Variants in CHRM5 observed in about 807,000 individuals in gnomAD.
CHRM5 encodes cholinergic receptor muscarinic 5.
A neutral mutation model predicts 39.0 loss-of-function variants in CHRM5; 18 were observed. That is an observed-to-expected ratio of 0.46 (90% CI 0.32 to 0.68). The LOEUF is 0.68. Ranked by LOEUF, CHRM5 falls within the 30% of genes least tolerant of loss-of-function variation. The probability of loss-of-function intolerance (pLI) is 0.04; values close to 1 mark genes in which losing one functional copy is unlikely to be tolerated. For synonymous variants in CHRM5, 241 were observed against 246.3 expected, an observed-to-expected ratio of 0.98 and a Z score of 0.20; for missense variants, 515 against 651.1, an observed-to-expected ratio of 0.79 and a Z score of 2.28.
chr15:34,021,573 G>A (rs906197980), intron 1 of CHRM5, among the ~76,000 whole-genome samples: 4 of 152,170 alleles, frequency 2.6e-5, no homozygotes, highest in Admixed American at 1.3e-4. Flanking sequence ...ACTTACACAT[G>A]GCCGTGTAAG....
At position 34,001,652 on chromosome 15, in the gene CHRM5, A is replaced by G. The variant is rs75553555; in HGVS notation, c.-408+32502A>G. ...AGTGTTACCAGTTCTTGAACAGTCA[A>G]TGAGTTGAGAGCAATCCACAAACCT... On this transcript the variant is annotated intron_variant, in intron 1 of 2. Coordinates refer to ENST00000383263, the MANE Select transcript of CHRM5 (RefSeq NM_012125.4). Among the ~76,000 whole-genome samples the G allele has an allele frequency of 4.2e-3, 642 of 152,294 alleles. 6 individuals carry two copies. Among genetic ancestry groups the G allele is most frequent in the African/African-American group, 0.014 (598 of 41,568 alleles).
intron 1 of CHRM5, chr15:34,003,214 A>G (rs1897207779): frequency 1.2e-6 from 2 of 1,612,868 alleles, no homozygotes; most frequent in African/African-American, 1.3e-5. Context: ...TTCAACCTGC[A>G]ATCATTAGAG....
intron 1 of CHRM5, among the ~76,000 whole-genome samples, chr15:34,043,775 A>C (rs914626575): frequency 2.6e-5 from 4 of 152,194 alleles, no homozygotes; most frequent in African/African-American, 2.4e-5. Flanking sequence ...CCTCACTCTC[A>C]GCTGCTGACT....
chr15:33,998,043 C>G (rs573747645), intron 1 of CHRM5, among the ~76,000 whole-genome samples: 2 of 152,260 alleles, frequency 1.3e-5, no homozygotes, highest in South Asian at 4.1e-4. Context: ...GTACCTCCTC[C>G]ACAACACTTA....
intron 2 of CHRM5, among the ~76,000 whole-genome samples, chr15:34,047,194 C>T (rs1899731380): frequency 6.6e-6 from 1 of 151,974 alleles, no homozygotes; most frequent in Admixed American, 6.5e-5. Context: ...TCTCCTGCCT[C>T]AGCCTCCCGA....
At chr15:33,973,477 C>CA (rs1895728349) in intron 1 of CHRM5, among the ~76,000 whole-genome samples, 1 of 152,176 alleles carries the variant, frequency 6.6e-6, no homozygotes, top group Non-Finnish European at 1.5e-5. Context: ...GTAATACCTA[C>CA]AGAAGAGCTT....
intron 1 of CHRM5, among the ~76,000 whole-genome samples, chr15:33,996,194 G>A (rs1896924824): frequency 6.6e-6 from 1 of 152,222 alleles, no homozygotes; most frequent in Admixed American, 6.5e-5. Context: ...GAAGTGGACA[G>A]AGCCCACTGC....
At chr15:34,046,180 A>C (rs1899673770) in intron 1 of CHRM5, among the ~76,000 whole-genome samples, 9 of 152,200 alleles carry the variant, frequency 5.9e-5, no homozygotes, top group Admixed American at 5.9e-4. Context: ...TATTGTGGAA[A>C]ACATTCAGGC....
In CHRM5 at chr15:34,063,961, C is replaced by A; in HGVS notation, c.1244C>A (p.Thr415Lys). The stretch of plus-strand genomic sequence containing the variant: ...TTCCCAGTGGCCAAGGAACCTTCAA[C>A]GAAAGGCCTCAATCCCAACCCCAGC... ...CPFPVAKEPS[T>K]KGLNPNPSHQ... is the part of the protein sequence containing the mutation. The change falls in exon 3 of 3, where the codon ACG becomes AAG. Residue 415 changes from threonine (T) to lysine (K), a missense_variant. By Grantham distance (78) the Thr-to-Lys change is moderately conservative. Coordinates refer to ENST00000383263, the MANE Select transcript of CHRM5 (RefSeq NM_012125.4). The surrounding 1 kb of genome is among the most constrained non-coding windows in gnomAD (Gnocchi z 4.1). 6.2e-7 allele frequency: 1 copy of A among 1,614,110 alleles called. No homozygotes were observed. The highest frequency in any genetic ancestry group is 8.5e-7 in the Non-Finnish European group (1 of 1,180,018).
At chr15:34,024,758 G>A (rs1258748473) in intron 1 of CHRM5, among the ~76,000 whole-genome samples, 1 of 151,722 alleles carries the variant, frequency 6.6e-6, no homozygotes, top group African/African-American at 2.4e-5. Context: ...CTACTCAGGA[G>A]GCTGAGGCAG....
chr15:34,011,089 G>A (rs1364536368), intron 1 of CHRM5, among the ~76,000 whole-genome samples: 4 of 152,070 alleles, frequency 2.6e-5, no homozygotes, highest in Non-Finnish European at 4.4e-5. Flanking sequence ...CACTTTGGGA[G>A]GCCTAGGCAA....
chr15:34,034,777 CAGG>C (rs1899038908), intron 1 of CHRM5, among the ~76,000 whole-genome samples: 1 of 152,152 alleles, frequency 6.6e-6, no homozygotes, highest in Admixed American at 6.5e-5. Flanking sequence ...TGGTTTGCAG[CAGG>C]AGGAGAGGTC....
At chr15:33,978,098 T>C (rs1363478255) in intron 1 of CHRM5, among the ~76,000 whole-genome samples, 1 of 152,070 alleles carries the variant, frequency 6.6e-6, no homozygotes, top group Non-Finnish European at 1.5e-5. Flanking sequence ...ACTATGTCTA[T>C]ATAAAACTAT....
intron 2 of CHRM5, among the ~76,000 whole-genome samples, chr15:34,055,584 G>T (rs989470758): frequency 6.6e-6 from 1 of 151,946 alleles, no homozygotes; most frequent in Non-Finnish European, 1.5e-5. Context: ...GGCGGATCAT[G>T]AGGTCAGGAG....
chr15:33,978,469 G>T (rs541761097), intron 1 of CHRM5, among the ~76,000 whole-genome samples: 1 of 152,200 alleles, frequency 6.6e-6, no homozygotes, highest in East Asian at 1.9e-4. Context: ...TTCAAAACCA[G>T]CCTGATCAAC....
At chr15:34,053,006 C>A (rs879555010) in intron 2 of CHRM5, among the ~76,000 whole-genome samples, 1 of 151,878 alleles carries the variant, frequency 6.6e-6, no homozygotes, top group African/African-American at 2.4e-5. Flanking sequence ...CTTAAAAATT[C>A]ATATGGAACC....
intron 1 of CHRM5, among the ~76,000 whole-genome samples, chr15:34,017,131 G>C (rs1179323935): frequency 4.2e-5 from 2 of 47,904 alleles, no homozygotes; most frequent in Non-Finnish European, 2.2e-4. Context: ...CTGTCTCAAG[G>C]GGGAAAAAAA....
At chr15:34,042,494 A>G (rs2702317) in intron 1 of CHRM5, among the ~76,000 whole-genome samples, 147,375 of 150,766 alleles carry the variant, frequency 0.98, 72,119 homozygotes, top group East Asian at 1. Flanking sequence ...TCTGCCTCCC[A>G]GGTTCAAGCG....
chr15:33,999,486 T>C (rs969503645), intron 1 of CHRM5, among the ~76,000 whole-genome samples: 6 of 152,202 alleles, frequency 3.9e-5, no homozygotes, highest in South Asian at 2.1e-4. Flanking sequence ...ATCTCACTTT[T>C]AATACATGCA....
Sources: allele counts gnomAD v4.1 joint callset (sites outside exome capture counted in the v4.1 genomes callset), GRCh38; gene constraint gnomAD v4.1.1; non-coding constraint Gnocchi (gnomAD v3.1); transcripts MANE v1.5; gene names NCBI Gene and HGNC (gene_info 2026-07-23, HGNC 2026-07-21).